LONP2: variants seen among roughly 807,000 people sequenced by gnomAD.
LONP2 encodes the protein lon protease homolog 2, peroxisomal.
Under a neutral mutation model 85.6 loss-of-function variants are expected in LONP2, and 60 were observed. The observed-to-expected ratio is 0.70, with a 90% CI of 0.57 to 0.87. LONP2 has a LOEUF of 0.87. LONP2 is among the 40% of genes least tolerant of loss of function. The pLI is 0.00. For synonymous variants in LONP2, 395 were observed against 389.7 expected, an observed-to-expected ratio of 1.01 and a Z score of -0.16; for missense variants, 860 against 1,063.5, an observed-to-expected ratio of 0.81 and a Z score of 2.66.
chr16:48,351,485 T>C, intron 14 of LONP2, 96 bp from the exon 15 acceptor site: 1 of 898,654 alleles, frequency 1.1e-6, no homozygotes. Flanking sequence ...TGTTTTAAAA[T>C]AGTAGTGGTT....
rs9931267 is a variant in LONP2 at position 48,246,044 on chromosome 16, G to C, written c.233+1423G>C. 4.3e-3 allele frequency among the ~76,000 whole-genome samples: 655 copies of C among 152,176 alleles called. 4 individuals are homozygous for C. Among genetic ancestry groups the C allele is most frequent in the African/African-American group, 0.015 (620 of 41,506 alleles). On this transcript the variant is annotated intron_variant, in intron 1 of 14. Coordinates refer to ENST00000285737, the MANE Select transcript of LONP2 (RefSeq NM_031490.5). ...GTCTTATTTTTCCTCAAAATCTTGTGACTATGTACATTTTTTTAGGAGAAT... is the reference window on the plus strand; with the variant it reads ...GTCTTATTTTTCCTCAAAATCTTGTCACTATGTACATTTTTTTAGGAGAAT...
At chr16:48,284,986 T>C (rs773392378) in intron 8 of LONP2, among the ~76,000 whole-genome samples, 7 of 152,252 alleles carry the variant, frequency 4.6e-5, no homozygotes, top group Non-Finnish European at 1.0e-4. Context: ...TTTGTGTGGA[T>C]ACTGTCTAGT....
chr16:48,247,096 T>TAG (rs2150956777), intron 1 of LONP2, among the ~76,000 whole-genome samples: 1 of 152,428 alleles, frequency 6.6e-6, no homozygotes, highest in East Asian at 1.9e-4. Flanking sequence ...TCAGACCATC[T>TAG]AGTTATCCTA....
chr16:48,292,623 C>G (rs1972578941), intron 8 of LONP2, among the ~76,000 whole-genome samples: 1 of 152,230 alleles, frequency 6.6e-6, no homozygotes, highest in African/African-American at 2.4e-5. Flanking sequence ...TGCAGCCTAA[C>G]TAGCTGTGTA....
At position 48,351,782 on chromosome 16, in the gene LONP2, CT is replaced by C; in HGVS notation, c.2540del (p.Leu847ArgfsTer2). On this transcript the variant is annotated frameshift_variant, in exon 15 of 15. Transcript: ENST00000285737. LOFTEE classifies it high-confidence loss of function. ...CTTTACTGTCAAGACCAGACCTGGT[CT>C]GTTAAATAGCAAACTGTAGGTCCAA... ...GGFTVKTRPG[L>X]LNSKL 6.2e-7 allele frequency: 1 copy of C among 1,614,052 alleles called. No individual in the cohort carries two copies. Among genetic ancestry groups the C allele is most frequent in the Non-Finnish European group, 8.5e-7 (1 of 1,179,956 alleles).
intron 12 of LONP2, among the ~76,000 whole-genome samples, chr16:48,340,897 CAG>C (rs1190435585): frequency 1.3e-5 from 2 of 152,104 alleles, no homozygotes; most frequent in Non-Finnish European, 2.9e-5. Context: ...GCCTAAGTGA[CAG>C]AGTGAAAACT....
At position 48,261,529 on chromosome 16, in the gene LONP2, A is replaced by G. The variant is rs1257389264; in HGVS notation, c.829A>G (p.Ile277Val). The G allele has an allele frequency of 6.2e-7, 1 of 1,608,546 alleles. No individual in the cohort carries two copies. Among genetic ancestry groups the G allele is most frequent in the African/African-American group, 1.4e-5 (1 of 74,008 alleles). Residue 277 changes from isoleucine to valine, a missense_variant, in exon 5 of 15, where the codon ATA (isoleucine) becomes GTA (valine). Physicochemically the swap from Ile to Val is conservative, Grantham distance 29. Coordinates refer to ENST00000285737, the MANE Select transcript of LONP2 (RefSeq NM_031490.5). Reference sequence around the variant, plus strand: ...TGACATTGTCATGCTAGAGAAAAAAATACGAACATCTAGTATGCCAGAGCA... The same window carrying G: ...TGACATTGTCATGCTAGAGAAAAAAGTACGAACATCTAGTATGCCAGAGCA... ...NDDIVMLEKK[I>V]RTSSMPEQAH...
rs770331320 is a variant in LONP2, at chr16:48,277,379, G to A, written c.1283G>A (p.Gly428Asp). The A allele has an allele frequency of 6.2e-7, 1 of 1,613,438 alleles. No individual in the cohort carries two copies. The highest frequency in any genetic ancestry group is 2.2e-5 in the East Asian group (1 of 44,776). ...VGSMPGRIINGLKTVGVNNPV... is the reference protein window; with the variant it reads ...VGSMPGRIINDLKTVGVNNPV... ...AGCATGCCTGGTCGCATCATCAACGGCTTGAAGACTGTGGGAGTGAACAAC... is the reference window on the plus strand; with the variant it reads ...AGCATGCCTGGTCGCATCATCAACGACTTGAAGACTGTGGGAGTGAACAAC... The change falls in exon 8 of 15, where the codon GGC becomes GAC. Residue 428 changes from glycine (G) to aspartate (D), a missense_variant. Coordinates refer to ENST00000285737, the MANE Select transcript of LONP2 (RefSeq NM_031490.5).
At chr16:48,319,349 T>C (rs1176697687) in intron 11 of LONP2, among the ~76,000 whole-genome samples, 3 of 151,972 alleles carry the variant, frequency 2.0e-5, no homozygotes, top group Admixed American at 6.6e-5. Flanking sequence ...GCCACTGCAC[T>C]CTAGCCTGGA....
intron 11 of LONP2, among the ~76,000 whole-genome samples, chr16:48,330,351 T>C (rs1414588929): frequency 6.6e-6 from 1 of 152,246 alleles, no homozygotes; most frequent in Non-Finnish European, 1.5e-5. Context: ...CTTTTTGTTG[T>C]TGGTTTTTCC....
At chr16:48,248,956 C>T (rs1971549487) in intron 1 of LONP2, among the ~76,000 whole-genome samples, 1 of 150,536 alleles carries the variant, frequency 6.6e-6, no homozygotes, top group South Asian at 2.1e-4. Flanking sequence ...ATATCCTCAT[C>T]TTGGAAAACT....
At chr16:48,253,849 C>G (rs916132771) in intron 2 of LONP2, among the ~76,000 whole-genome samples, 2 of 152,158 alleles carry the variant, frequency 1.3e-5, no homozygotes, top group Non-Finnish European at 2.9e-5. Flanking sequence ...GTCTTCTGGG[C>G]TCAGTTCATA....
Position 48,353,789 on chromosome 16 carries a change from A to G in LONP2, c.*1987A>G, listed in dbSNP as rs1327455359. 6.6e-6 allele frequency: 1 copy of G among 152,228 alleles called. No individual in the cohort carries two copies. Among genetic ancestry groups the G allele is most frequent in the South Asian group, 2.1e-4 (1 of 4,806 alleles). The allele number at this position is 152,228 out of a possible 1,614,324, so 9.4% of individuals were successfully genotyped here. On this transcript the variant is annotated 3_prime_UTR_variant, in exon 15 of 15. Coordinates refer to ENST00000285737, the MANE Select transcript of LONP2 (RefSeq NM_031490.5). ...CACATCGCTCTGCCCTGTTCCACCC[A>G]GCAGGGGCAACAAGGATATAACTTG...
rs1474419432 is a variant in LONP2, at chr16:48,356,122, G to GTGAT, written c.*4323_*4326dup. ...AAATACAGTGAAGAATGTCATCTTT[G>GTGAT]TGATTGTTCCTGAAATAGTTCACGA... On this transcript the variant is annotated 3_prime_UTR_variant, in exon 15 of 15. Transcript: ENST00000285737. 6.6e-6 allele frequency: 1 copy of GTGAT among 152,116 alleles called. No homozygotes were observed. The highest frequency in any genetic ancestry group is 1.5e-5 in the Non-Finnish European group (1 of 68,032). 9.4% of individuals were successfully genotyped at this position (152,116 alleles called of 1,614,324 possible). A position where few individuals can be genotyped will look rare whatever the true frequency, so the allele number is the denominator to read the frequency against.
rs905151254 is a variant in LONP2 at position 48,251,598 on chromosome 16, T to C, written c.234-533T>C. Among the ~76,000 whole-genome samples the C allele has an allele frequency of 2.0e-5, 3 of 152,282 alleles. No individual in the cohort carries two copies. In the South Asian group the frequency reaches 6.2e-4, roughly 32 times the overall value. ...ACTTAGAAATTCAGTGTTAAGGGCA[T>C]ATATATAAGTTCCCAGTATGTGATG... On this transcript the variant is annotated intron_variant, in intron 1 of 14. Coordinates refer to ENST00000285737, the MANE Select transcript of LONP2 (RefSeq NM_031490.5).
At chr16:48,302,506 A>C (rs779818612) in intron 10 of LONP2, among the ~76,000 whole-genome samples, 1 of 152,186 alleles carries the variant, frequency 6.6e-6, no homozygotes, top group Non-Finnish European at 1.5e-5. Flanking sequence ...TTCACTATAT[A>C]ATGGTCTGTG....
intron 6 of LONP2, among the ~76,000 whole-genome samples, chr16:48,269,516 A>T (rs1188771357): frequency 6.6e-6 from 1 of 152,196 alleles, no homozygotes; most frequent in Non-Finnish European, 1.5e-5. Flanking sequence ...TCCCATTTTG[A>T]AAAATAGGTT....
At chr16:48,279,353 G>A (rs1258471844) in intron 8 of LONP2, among the ~76,000 whole-genome samples, 2 of 152,056 alleles carry the variant, frequency 1.3e-5, no homozygotes, top group Non-Finnish European at 2.9e-5. Flanking sequence ...TGTGCTGTTT[G>A]GTTGAGGAAT....
chr16:48,282,433 A>G (rs1433413488), intron 8 of LONP2, among the ~76,000 whole-genome samples: 1 of 151,206 alleles, frequency 6.6e-6, no homozygotes, highest in Non-Finnish European at 1.5e-5. Flanking sequence ...AAAAAAAGAA[A>G]GAAAGTGTTT....
Sources: gnomAD v4.1 joint callset for allele counts (sites outside exome capture counted in the v4.1 genomes callset) on GRCh38, gnomAD v4.1.1 for gene constraint, MANE v1.5 for transcripts, NCBI Gene and HGNC (gene_info 2026-07-23, HGNC 2026-07-21) for gene names.